FCGRT: variants seen among roughly 807,000 people sequenced by gnomAD.
FCGRT encodes IgG receptor FcRn large subunit p51.
In FCGRT, 13 loss-of-function variants were observed where a neutral mutation model predicts 35.7. That is an observed-to-expected ratio of 0.36 (90% CI 0.24 to 0.58). The LOEUF (loss-of-function observed/expected upper bound fraction) is 0.58, where lower values mean the gene tolerates loss of function less well. FCGRT is among the 20% of genes least tolerant of loss of function. The pLI, the probability that FCGRT is intolerant of heterozygous loss-of-function variation, is 0.77. For synonymous variants in FCGRT, 233 were observed against 216.5 expected (o/e 1.08, Z -0.67); for missense variants, 455 against 474.9 (o/e 0.96, Z 0.39).
In FCGRT at chr19:49,514,242, T is replaced by A. The variant is rs765755605; in HGVS notation, c.357T>A (p.Cys119Ter). 6.2e-7 allele frequency: 1 copy of A among 1,610,824 alleles called. No individual in the cohort carries two copies. Residue 119 changes from cysteine (C) to a stop codon, truncating the protein, a stop_gained, in exon 4 of 7, where the codon TGT becomes TGA. Transcript: ENST00000221466. LOFTEE classifies it high-confidence loss of function. ...GPYTLQGLLG[C>*]ELGPDNTSVP... Reference sequence around the variant, plus strand: ...ACACTCTGCAGGGCCTGCTGGGCTGTGAACTGGGCCCTGACAACACCTCGG... The same window carrying A: ...ACACTCTGCAGGGCCTGCTGGGCTGAGAACTGGGCCCTGACAACACCTCGG...
chr19:49,525,886 C>A, intron 6 of FCGRT, 124 bp from the exon 7 acceptor site: 3 of 773,948 alleles, frequency 3.9e-6, no homozygotes, highest in Admixed American at 1.8e-5. Flanking sequence ...GAGACAAAGG[C>A]CCAGAAGGAA....
At chr19:49,517,347 C>T (rs1013739305) in intron 4 of FCGRT, among the ~76,000 whole-genome samples, 4 of 151,974 alleles carry the variant, frequency 2.6e-5, no homozygotes, top group South Asian at 2.1e-4. Flanking sequence ...AAAAATTAGC[C>T]GGGTGCGGTG....
In FCGRT at chr19:49,513,786, C is replaced by T. The variant is rs550795143; in HGVS notation, c.74-96C>T. On this transcript the variant is annotated intron_variant, in intron 2 of 6. Transcript: ENST00000221466. ...CCCTCTCTCTGAATCTGTCCCCCTC[C>T]CTCCATAATAGATTCTTCTCCCTCC... 4.1e-4 allele frequency: 394 copies of T among 953,374 alleles called. 2 individuals are homozygous for T. Among genetic ancestry groups the T allele is most frequent in the Non-Finnish European group, 5.2e-4 (362 of 695,970 alleles). The allele number at this position is 953,374 out of a possible 1,614,324, so 59.1% of individuals were successfully genotyped here.
chr19:49,513,681 G>A (rs1251337807), intron 2 of FCGRT: 1 of 534,426 alleles, frequency 1.9e-6, no homozygotes, highest in Non-Finnish European at 3.2e-6. Flanking sequence ...CTCTCTCTCT[G>A]GGTCTCTGTC....
Position 49,525,478 on chromosome 19 carries a change from T to C in FCGRT, c.893T>C (p.Val298Ala). 6.2e-7 allele frequency: 1 copy of C among 1,613,784 alleles called. No individual in the cohort carries two copies. The highest frequency in any genetic ancestry group is 1.7e-4 in the Middle Eastern group (1 of 6,032). Residue 298 changes from valine to alanine, a missense_variant, in exon 6 of 7, where the codon GTG becomes GCG. Physicochemically the swap from Val to Ala is moderately conservative, Grantham distance 64. Coordinates refer to ENST00000221466, the MANE Select transcript of FCGRT (RefSeq NM_001136019.3). ...VELESPAKSS[V>A]LVVGIVIGVL... ...GCAGAATCTCCAGCCAAGTCCTCCG[T>C]GCTCGTGGTGGGAATCGTCATCGGT...
At chr19:49,518,340 T>G (rs2080020452) in intron 4 of FCGRT, among the ~76,000 whole-genome samples, 1 of 151,844 alleles carries the variant, frequency 6.6e-6, no homozygotes, top group Non-Finnish European at 1.5e-5. Flanking sequence ...TTTTTCTGAT[T>G]GTTGAATTTT....
chr19:49,520,366 A>G (rs532419152), intron 4 of FCGRT, among the ~76,000 whole-genome samples: 18 of 129,722 alleles, frequency 1.4e-4, no homozygotes, highest in Admixed American at 1.1e-3. Context: ...TTTTTTTGAG[A>G]TGGAGTTTCA....
intron 6 of FCGRT, among the ~76,000 whole-genome samples, chr19:49,525,779 GGGACAGAGAGAGGTGC>G (rs1054769013): frequency 1.3e-5 from 2 of 151,418 alleles, no homozygotes; most frequent in African/African-American, 4.9e-5. Context: ...AGACCCAGAG[GGGACAGAGAGAGGTGC>G]GGACAGAGGG....
intron 4 of FCGRT, among the ~76,000 whole-genome samples, chr19:49,517,580 T>C (rs2080015745): frequency 6.6e-6 from 1 of 152,086 alleles, no homozygotes; most frequent in Admixed American, 6.6e-5. Context: ...ATCCCATCAC[T>C]GAGACTTAAT....
intron 6 of FCGRT, 110 bp from the exon 7 acceptor site, chr19:49,525,900 G>A (rs971290734): frequency 1.6e-5 from 13 of 791,912 alleles, no homozygotes; most frequent in Non-Finnish European, 1.6e-5. Context: ...GAAGGAAGGG[G>A]ATAGAGACTG....
intron 5 of FCGRT, 46 bp from the exon 6 acceptor site, chr19:49,525,410 TG>T: frequency 7.2e-7 from 1 of 1,385,932 alleles, no homozygotes; most frequent in Non-Finnish European, 1.0e-6. Flanking sequence ...CCTGACTGGG[TG>T]GGGTGGAGGG....
chr19:49,513,353 G>A (rs1243429935), intron 1 of FCGRT, 34 bp from the exon 2 acceptor site: 7 of 1,028,466 alleles, frequency 6.8e-6, no homozygotes, highest in Non-Finnish European at 8.8e-6. Context: ...CGGGCCGGGG[G>A]TCGGGAGGAG....
chr19:49,516,036 G>T, intron 4 of FCGRT: 1 of 363,276 alleles, frequency 2.8e-6, no homozygotes, highest in Non-Finnish European at 5.4e-6. Flanking sequence ...TTGGCCAAGA[G>T]CATTTGCACT....
intron 5 of FCGRT, 69 bp from the exon 6 acceptor site, chr19:49,525,388 C>T: frequency 8.4e-7 from 1 of 1,189,832 alleles, no homozygotes; most frequent in Non-Finnish European, 1.3e-6. Flanking sequence ...TGGGAGCGCC[C>T]CAGTTCTGTG....
In FCGRT at chr19:49,514,065, A is replaced by G. The variant is rs745540437; in HGVS notation, c.257A>G (p.Lys86Arg). The G allele has an allele frequency of 6.2e-6, 10 of 1,611,432 alleles. No homozygotes were observed. In the South Asian group the frequency reaches 9.9e-5, roughly 16 times the overall value. The stretch of plus-strand genomic sequence containing the variant: ...AACCAGGTGTCCTGGTATTGGGAGA[A>G]AGAGACCACAGATCTGAGGATCAAG... ...WENQVSWYWE[K>R]ETTDLRIKEK... is the part of the protein sequence containing the mutation. Residue 86 changes from lysine to arginine, a missense_variant, in exon 3 of 7, where the codon AAA (lysine) becomes AGA (arginine). This residue lies in a region of FCGRT where 136 missense variants were observed against 158.9 expected (regional missense o/e 0.86). Coordinates refer to ENST00000221466, the MANE Select transcript of FCGRT (RefSeq NM_001136019.3).
chr19:49,523,018 C>A (rs1295801601), intron 4 of FCGRT, among the ~76,000 whole-genome samples: 1 of 151,738 alleles, frequency 6.6e-6, no homozygotes, highest in African/African-American at 2.4e-5. Context: ...ACCTCGTGAT[C>A]CGCCTGCCTC....
intron 2 of FCGRT, 163 bp from the exon 3 acceptor site, chr19:49,513,719 T>TCTCTCTCTCG: frequency 3.4e-6 from 2 of 595,470 alleles, no homozygotes; most frequent in South Asian, 2.5e-5. Context: ...CTCTTGTCTC[T>TCTCTCTCTCG]CTCTCTCTGG....
intron 4 of FCGRT, 47 bp downstream of exon 4, chr19:49,514,533 A>C (rs2079995392): frequency 6.7e-7 from 1 of 1,490,746 alleles, no homozygotes; most frequent in Non-Finnish European, 8.9e-7. Context: ...CTCTCCCGTC[A>C]TGCCCACCTG....
In FCGRT at chr19:49,526,182, C is replaced by A; in HGVS notation, c.*63C>A. 9.4e-7 allele frequency: 1 copy of A among 1,069,214 alleles called. No homozygotes were observed. The highest frequency in any genetic ancestry group is 1.4e-6 in the Non-Finnish European group (1 of 691,308). The allele number at this position is 1,069,214 out of a possible 1,614,324, so 66.2% of individuals were successfully genotyped here. A position where few individuals can be genotyped will look rare whatever the true frequency, so the allele number is the denominator to read the frequency against. On this transcript the variant is annotated 3_prime_UTR_variant, in exon 7 of 7. Transcript: ENST00000221466. ...AGGCCCCTTTCATGCTGTGAGACCT[C>A]CTGGAACACTGGCATCTCTGAGCCT...
Sources: allele counts gnomAD v4.1 joint callset (sites outside exome capture counted in the v4.1 genomes callset), GRCh38; gene constraint gnomAD v4.1.1; regional missense constraint gnomAD v4.1.1; transcripts MANE v1.5; gene names NCBI Gene and HGNC (gene_info 2026-07-23, HGNC 2026-07-21).